Variants in TLR5 observed in about 807,000 individuals in gnomAD.
TLR5 encodes the protein toll-like receptor 5.
For missense variants in TLR5, 944 were observed against 999.8 expected, an observed-to-expected ratio of 0.94 and a Z score of 0.75; for synonymous variants, 373 against 384.4, an observed-to-expected ratio of 0.97 and a Z score of 0.35.
rs751297830 is a variant in TLR5, at chr1:223,111,970, C to T, written c.1062G>A (p.Ser354=). The part of the protein sequence containing the change: ...SYNLLGELYS[S]NFYGLPKVAY... Reference sequence around the variant, plus strand: ...CTACCTTAGGTAGTCCATAGAAATTCGAACTGTAAAGTTCCCCCAGAAGGT... The same window carrying T: ...CTACCTTAGGTAGTCCATAGAAATTTGAACTGTAAAGTTCCCCCAGAAGGT... Residue 354 remains serine (S), a synonymous_variant, in exon 6 of 6, where the codon TCG becomes TCA. Transcript: ENST00000642603. The T allele has an allele frequency of 2.2e-5, 35 of 1,613,990 alleles. No individual in the cohort carries two copies. The highest frequency in any genetic ancestry group is 5.5e-5 in the South Asian group (5 of 91,070).
chr1:223,117,442 G>A (rs903027082), intron 5 of TLR5, among the ~76,000 whole-genome samples: 1 of 151,866 alleles, frequency 6.6e-6, no homozygotes, highest in Non-Finnish European at 1.5e-5. Flanking sequence ...CAGTGAGGCT[G>A]AGGAGGCACC....
chr1:223,132,340 C>T (rs565429954), intron 5 of TLR5, 135 bp downstream of exon 5: 32 of 151,316 alleles, frequency 2.1e-4, no homozygotes, highest in African/African-American at 5.4e-4. Context: ...TCAGCCTGGG[C>T]GACAGAGAGA....
In TLR5 at chr1:223,131,388, C is replaced by A. The variant is rs1274213320; in HGVS notation, c.-5+1087G>T. 6.6e-6 allele frequency among the ~76,000 whole-genome samples: 1 copy of A among 152,210 alleles called. No homozygotes were observed. The highest frequency in any genetic ancestry group is 2.4e-5 in the African/African-American group (1 of 41,458). ...TGCTCGAGATCTAACTTGCCATTCTCAGAGTCTGCCCTCATCCCCATTCTC... is the reference window on the plus strand; with the variant it reads ...TGCTCGAGATCTAACTTGCCATTCTAAGAGTCTGCCCTCATCCCCATTCTC... On this transcript the variant is annotated intron_variant, in intron 5 of 5. Transcript: ENST00000642603. This position sits in a 1 kb window ranked among gnomAD's most constrained non-coding sequence, Gnocchi z 4.2.
At chr1:223,124,064 G>A (rs1475487297) in intron 5 of TLR5, among the ~76,000 whole-genome samples, 2 of 152,202 alleles carry the variant, frequency 1.3e-5, no homozygotes, top group African/African-American at 4.8e-5. Context: ...ATTACACTAT[G>A]CAAAATCACA....
At chr1:223,138,836 C>G (rs1487367491) in intron 2 of TLR5, among the ~76,000 whole-genome samples, 3 of 152,218 alleles carry the variant, frequency 2.0e-5, no homozygotes, top group Non-Finnish European at 4.4e-5. Flanking sequence ...ACCCAAATCT[C>G]ATCTTGAATT....
rs1456351306 is a variant in TLR5 at position 223,112,150 on chromosome 1, A to T, written c.882T>A (p.Asp294Glu). ...GGGAGAAGACAAACCCATGTGAAAG[A>T]TCCAGGTGTCTCACTGAACTTCTGG... ...GLARSSVRHLDLSHGFVFSLN... is the reference protein window; with the variant it reads ...GLARSSVRHLELSHGFVFSLN... The change falls in exon 6 of 6, where the codon GAT (aspartate) becomes GAA (glutamate). Residue 294 changes from aspartate (D) to glutamate (E), a missense_variant. Physicochemically the swap from Asp to Glu is conservative, Grantham distance 45. Transcript: ENST00000642603. 6.2e-7 allele frequency: 1 copy of T among 1,614,222 alleles called. No homozygotes were observed. Among genetic ancestry groups the T allele is most frequent in the South Asian group, 1.1e-5 (1 of 91,084 alleles).
In TLR5 at chr1:223,130,852, G is replaced by A. The variant is rs78754133; in HGVS notation, c.-5+1623C>T. Among the ~76,000 whole-genome samples, 56 of 152,300 alleles carry A rather than the reference G, an allele frequency of 3.7e-4. No homozygotes were observed. The East Asian group carries it at 7.9e-3, about 22-fold the overall frequency. ...ATGGATCCTTATTTCTGTCTTTAGT[G>A]TATATATCCTTAAAATCTAACCAGG... On this transcript the variant is annotated intron_variant, in intron 5 of 5. Coordinates refer to ENST00000642603, the MANE Select transcript of TLR5 (RefSeq NM_003268.6).
intron 5 of TLR5, chr1:223,123,872 C>T (rs368955796): frequency 6.6e-6 from 1 of 152,170 alleles, no homozygotes; most frequent in Admixed American, 6.5e-5. Context: ...GGCGCCCGAC[C>T]CCAGCGGAGG....
At chr1:223,129,225 C>T (rs1657297665) in intron 5 of TLR5, 1 of 152,286 alleles carries the variant, frequency 6.6e-6, no homozygotes, top group African/African-American at 2.4e-5. Flanking sequence ...CACCTGACGG[C>T]TGGGCTCCTG....
chr1:223,114,773 C>T (rs1161710088), intron 5 of TLR5, among the ~76,000 whole-genome samples: 2 of 152,178 alleles, frequency 1.3e-5, no homozygotes, highest in Non-Finnish European at 2.9e-5. Flanking sequence ...TGTTTATCAC[C>T]ACTCTGAATT....
At chr1:223,118,192 G>T (rs569359711) in intron 5 of TLR5, among the ~76,000 whole-genome samples, 2 of 152,176 alleles carry the variant, frequency 1.3e-5, no homozygotes, top group African/African-American at 4.8e-5. Context: ...CTGGAGGGGC[G>T]AGGGAGCTTC....
At position 223,112,719 on chromosome 1, in the gene TLR5, T is replaced by C; in HGVS notation, c.313A>G (p.Ser105Gly). Reference sequence around the variant, plus strand: ...TCTGGATGCAAGAAGTATATCTTACTACTTCCCAGGTCCAAGATTCTAAGG... The same window carrying C: ...TCTGGATGCAAGAAGTATATCTTACCACTTCCCAGGTCCAAGATTCTAAGG... Reference protein sequence around the residue: ...PNLRILDLGSSKIYFLHPDAF... With the variant: ...PNLRILDLGSGKIYFLHPDAF... Residue 105 changes from serine to glycine, a missense_variant, in exon 6 of 6, where the codon AGT (serine) becomes GGT (glycine). Physicochemically the swap from Ser to Gly is moderately conservative, Grantham distance 56 (BLOSUM62 0). Coordinates refer to ENST00000642603, the MANE Select transcript of TLR5 (RefSeq NM_003268.6). 5.0e-6 allele frequency: 8 copies of C among 1,614,242 alleles called. No individual in the cohort carries two copies. The highest frequency in any genetic ancestry group is 6.8e-6 in the Non-Finnish European group (8 of 1,180,048).
At chr1:223,113,479 T>G (rs920847337) in intron 5 of TLR5, among the ~76,000 whole-genome samples, 1 of 152,192 alleles carries the variant, frequency 6.6e-6, no homozygotes, top group Non-Finnish European at 1.5e-5. Context: ...GTGTTGGGAT[T>G]ACAGATGTGA....
chr1:223,118,792 C>G (rs371179108), intron 5 of TLR5, among the ~76,000 whole-genome samples: 1 of 151,950 alleles, frequency 6.6e-6, no homozygotes, highest in African/African-American at 2.4e-5. Flanking sequence ...TTTTAGAGTG[C>G]CCTGACCTAG....
At chr1:223,123,545 T>C (rs1285822497) in intron 5 of TLR5, 1 of 152,228 alleles carries the variant, frequency 6.6e-6, no homozygotes, top group Non-Finnish European at 1.5e-5. Context: ...CAGAAAGGCA[T>C]GAAATAACGA....
chr1:223,110,770 G>T lies in TLR5; in HGVS notation c.2262C>A (p.Ile754=). The part of the protein sequence containing the change: ...IQDAIWNSRK[I]VCLVSRHFLR... ...GGAAGTGTCTGCTCACAAGACAAAC[G>T]ATCTTTCTACTGTTCCAGATGGCAT... is the stretch of plus-strand genomic sequence containing the variant. Residue 754 remains isoleucine, a synonymous_variant, in exon 6 of 6, where the codon ATC becomes ATA. Transcript: ENST00000642603. 1.2e-6 allele frequency: 2 copies of T among 1,614,204 alleles called. No individual in the cohort carries two copies. Among genetic ancestry groups the T allele is most frequent in the Non-Finnish European group, 1.7e-6 (2 of 1,180,038 alleles).
rs1427293356 is a variant in TLR5 at position 223,110,775 on chromosome 1, T to A, written c.2257A>T (p.Lys753Ter). 1 of 1,614,216 alleles carries A rather than the reference T, an allele frequency of 6.2e-7. No individual in the cohort carries two copies. Among genetic ancestry groups the A allele is most frequent in the Non-Finnish European group, 8.5e-7 (1 of 1,180,028 alleles). Residue 753 changes from lysine (K) to a stop codon, truncating the protein, a stop_gained, in exon 6 of 6, where the codon AAG (lysine) becomes TAG (stop). Coordinates refer to ENST00000642603, the MANE Select transcript of TLR5 (RefSeq NM_003268.6). LOFTEE classifies it low-confidence loss of function (END_TRUNC). ...NIQDAIWNSR[K>*]IVCLVSRHFL... is the part of the protein sequence containing the mutation. ...TGTCTGCTCACAAGACAAACGATCT[T>A]TCTACTGTTCCAGATGGCATCCTGG...
rs1656290709 is a variant in TLR5 at position 223,110,939 on chromosome 1, C to A, written c.2093G>T (p.Cys698Phe). 6.2e-7 allele frequency: 1 copy of A among 1,614,116 alleles called. No homozygotes were observed. Among genetic ancestry groups the A allele is most frequent in the African/African-American group, 1.3e-5 (1 of 74,944 alleles). ...PDMYKYDAYL[C>F]FSSKDFTWVQ... ...CCATGTGAAGTCTTTGCTGCTGAAG[C>A]ACAAATAGGCATCATATTTGTACAT... Residue 698 changes from cysteine (C) to phenylalanine (F), a missense_variant, in exon 6 of 6, where the codon TGC (cysteine) becomes TTC (phenylalanine). Coordinates refer to ENST00000642603, the MANE Select transcript of TLR5 (RefSeq NM_003268.6).
At position 223,131,028 on chromosome 1, in the gene TLR5, T is replaced by G. The variant is rs1425694724; in HGVS notation, c.-5+1447A>C. ...TCCAATTCTGCAGCCACTGCTTGGCTGCAAGGCTCCACTGCCTCCCCTCTA... is the reference window on the plus strand; with the variant it reads ...TCCAATTCTGCAGCCACTGCTTGGCGGCAAGGCTCCACTGCCTCCCCTCTA... On this transcript the variant is annotated intron_variant, in intron 5 of 5. Coordinates refer to ENST00000642603, the MANE Select transcript of TLR5 (RefSeq NM_003268.6). The surrounding 1 kb of genome is among the most constrained non-coding windows in gnomAD (Gnocchi z 4.2). Among the ~76,000 whole-genome samples the G allele has an allele frequency of 6.6e-6, 1 of 152,184 alleles. No individual in the cohort carries two copies. Among genetic ancestry groups the G allele is most frequent in the African/African-American group, 2.4e-5 (1 of 41,456 alleles).
Sources: gnomAD v4.1 joint callset for allele counts (sites outside exome capture counted in the v4.1 genomes callset) on GRCh38, gnomAD v4.1.1 for gene constraint, Gnocchi (gnomAD v3.1) non-coding constraint, MANE v1.5 for transcripts, NCBI Gene and HGNC (gene_info 2026-07-23, HGNC 2026-07-21) for gene names.